Variants in TECRL observed in about 807,000 individuals in gnomAD.
TECRL encodes the protein trans-2,3-enoyl-CoA reductase like.
Under a neutral mutation model 52.8 loss-of-function variants are expected in TECRL, and 63 were observed. The observed-to-expected ratio is 1.19, with a 90% CI of 0.97 to 1.47. TECRL has a LOEUF of 1.47. Ranked by LOEUF, TECRL falls within the 40% of genes most tolerant of loss-of-function variation. The pLI, the probability that TECRL is intolerant of heterozygous loss-of-function variation, is 0.00. For missense variants in TECRL, 482 were observed against 429.6 expected (o/e 1.12, Z -1.08); for synonymous variants, 164 against 141.9 (o/e 1.16, Z -1.10).
At chr4:64,405,605 A>G (rs1260903280) in intron 1 of TECRL, among the ~76,000 whole-genome samples, 1 of 152,142 alleles carries the variant, frequency 6.6e-6, no homozygotes, top group African/African-American at 2.4e-5. Flanking sequence ...ATATATAGAT[A>G]TGTAGATTTA....
chr4:64,370,992 A>G (rs1721937501), intron 2 of TECRL, among the ~76,000 whole-genome samples: 1 of 151,732 alleles, frequency 6.6e-6, no homozygotes, highest in South Asian at 2.1e-4. Flanking sequence ...ACCTCATTCA[A>G]TATTTTCACA....
intron 1 of TECRL, among the ~76,000 whole-genome samples, chr4:64,393,017 T>C (rs1723650935): frequency 6.6e-6 from 1 of 151,950 alleles, no homozygotes. Flanking sequence ...GTGCTAGGAA[T>C]GAGGTGGTGC....
intron 2 of TECRL, among the ~76,000 whole-genome samples, chr4:64,363,756 T>C (rs4103193): frequency 0.9 from 136,526 of 151,946 alleles, 61,994 homozygotes; most frequent in East Asian, 1. Flanking sequence ...GAGCTAAGAA[T>C]ATAACGTACA....
chr4:64,295,327 T>G (rs1352364727), intron 8 of TECRL, among the ~76,000 whole-genome samples: 2 of 149,554 alleles, frequency 1.3e-5, no homozygotes, highest in Non-Finnish European at 3.0e-5. Context: ...AACTTATTTT[T>G]TGCATGAAAC....
At chr4:64,369,877 T>C (rs1190396202) in intron 2 of TECRL, among the ~76,000 whole-genome samples, 1 of 151,872 alleles carries the variant, frequency 6.6e-6, no homozygotes, top group African/African-American at 2.4e-5. Context: ...GAGTAGGACA[T>C]GTAGTGATGT....
chr4:64,390,980 C>A (rs796884883), intron 1 of TECRL, among the ~76,000 whole-genome samples: 2 of 151,722 alleles, frequency 1.3e-5, no homozygotes, highest in Admixed American at 1.3e-4. Flanking sequence ...ATAGAGGCTA[C>A]AATTATTTCT....
intron 2 of TECRL, among the ~76,000 whole-genome samples, chr4:64,363,013 TAA>T (rs151006256): frequency 1.7e-4 from 24 of 141,620 alleles, no homozygotes; most frequent in South Asian, 6.6e-4. Flanking sequence ...ATCAGGCACA[TAA>T]AAAAAAAAAA....
intron 1 of TECRL, among the ~76,000 whole-genome samples, chr4:64,381,653 A>G (rs1722804390): frequency 6.6e-6 from 1 of 152,132 alleles, no homozygotes; most frequent in Non-Finnish European, 1.5e-5. Flanking sequence ...CAGTAATCAT[A>G]TGCATTTTAT....
chr4:64,310,015 G>A (rs950289637), intron 5 of TECRL, 84 bp from the exon 6 acceptor site: 2 of 748,002 alleles, frequency 2.7e-6, no homozygotes, highest in African/African-American at 1.8e-5. Context: ...AATTTTTTTA[G>A]TTTAATATGC....
intron 8 of TECRL, among the ~76,000 whole-genome samples, chr4:64,295,637 G>T (rs1723637856): frequency 6.6e-6 from 1 of 151,642 alleles, no homozygotes; most frequent in Non-Finnish European, 1.5e-5. Context: ...AATGATGTTT[G>T]AAAACATTCA....
At position 64,376,190 on chromosome 4, in the gene TECRL, A is replaced by C. The variant is rs1722385749; in HGVS notation, c.235-967T>G. ...GTATAACAACAAATACATTTATTTT[A>C]ACATATTTCGCCTTCTACTTAACAG... is the stretch of plus-strand genomic sequence containing the variant. On this transcript the variant is annotated intron_variant, in intron 1 of 11. Transcript: ENST00000381210. 2.6e-5 allele frequency among the ~76,000 whole-genome samples: 4 copies of C among 152,036 alleles called. No homozygotes were observed. In the South Asian group the frequency reaches 8.3e-4, roughly 31 times the overall value.
At chr4:64,288,941 C>T (rs1723227057) in intron 9 of TECRL, among the ~76,000 whole-genome samples, 3 of 152,262 alleles carry the variant, frequency 2.0e-5, no homozygotes, top group East Asian at 1.9e-4. Flanking sequence ...CCACCATATT[C>T]GCCTGACCTC....
At chr4:64,343,347 C>A (rs1299228353) in intron 2 of TECRL, among the ~76,000 whole-genome samples, 1 of 152,024 alleles carries the variant, frequency 6.6e-6, no homozygotes, top group African/African-American at 2.4e-5. Context: ...GGTTTATAAA[C>A]AATTGTAAAT....
intron 9 of TECRL, among the ~76,000 whole-genome samples, chr4:64,286,471 CT>C (rs1384575248): frequency 1.3e-5 from 2 of 151,776 alleles, no homozygotes; most frequent in African/African-American, 2.4e-5. Context: ...TGTAACCCCC[CT>C]ATACTCCACA....
chr4:64,316,923 G>A (rs956253292), intron 4 of TECRL, among the ~76,000 whole-genome samples: 1 of 152,140 alleles, frequency 6.6e-6, no homozygotes, highest in East Asian at 1.9e-4. Context: ...AGGCAAGCAA[G>A]GAAATTGAGA....
rs373861943 is a variant in TECRL at position 64,395,475 on chromosome 4, C to T, written c.234+13643G>A. ...TCACAATGTGTTATATTTAAGTACA[C>T]ACTAAGATCACAGAACCAAGTTAGC... On this transcript the variant is annotated intron_variant, in intron 1 of 11. Transcript: ENST00000381210. Among the ~76,000 whole-genome samples, 59 of 152,190 alleles carry T rather than the reference C, an allele frequency of 3.9e-4. No homozygotes were observed. The South Asian group carries it at 0.012, about 30-fold the overall frequency.
At chr4:64,296,492 T>G (rs1723688851) in intron 8 of TECRL, among the ~76,000 whole-genome samples, 1 of 151,844 alleles carries the variant, frequency 6.6e-6, no homozygotes, top group Non-Finnish European at 1.5e-5. Context: ...AATAGTTATT[T>G]TAATTACTTT....
At chr4:64,356,400 G>T (rs1352588171) in intron 2 of TECRL, among the ~76,000 whole-genome samples, 1 of 152,136 alleles carries the variant, frequency 6.6e-6, no homozygotes, top group Non-Finnish European at 1.5e-5. Flanking sequence ...GAATGTCTCG[G>T]TATAAAACCT....
chr4:64,368,863 C>T (rs751595802), intron 2 of TECRL, among the ~76,000 whole-genome samples: 11 of 152,138 alleles, frequency 7.2e-5, no homozygotes, highest in Non-Finnish European at 1.6e-4. Flanking sequence ...GAGTTAGTTA[C>T]TATCCTTGAA....
Sources: gnomAD v4.1 joint callset for allele counts (sites outside exome capture counted in the v4.1 genomes callset) on GRCh38, gnomAD v4.1.1 for gene constraint, MANE v1.5 for transcripts, NCBI Gene and HGNC (gene_info 2026-07-23, HGNC 2026-07-21) for gene names.